The following MPHOSPH9 variants were observed in gnomAD, a reference collection of about 807,000 sequenced individuals.
The protein encoded by MPHOSPH9 is M-phase phosphoprotein 9.
Under a neutral mutation model 145.5 loss-of-function variants are expected in MPHOSPH9, and 88 were observed. The observed-to-expected ratio is 0.60, with a 90% CI of 0.51 to 0.72. The LOEUF is 0.72. Among genes scored for constraint, MPHOSPH9 ranks in the 30% least tolerant of loss-of-function variants. The pLI is 0.00. For missense variants in MPHOSPH9, 1,238 were observed against 1,386.6 expected (o/e 0.89, Z 1.70); for synonymous variants, 435 against 486.2 (o/e 0.89, Z 1.39).
chr12:123,243,462 G>A (rs540491897), intron 1 of MPHOSPH9, among the ~76,000 whole-genome samples: 3 of 151,900 alleles, frequency 2.0e-5, no homozygotes, highest in East Asian at 1.9e-4. Flanking sequence ...CCCGGGAGGC[G>A]GAGCTTGCAG....
At chr12:123,226,641 T>C (rs570914873) in intron 3 of MPHOSPH9, among the ~76,000 whole-genome samples, 7 of 151,752 alleles carry the variant, frequency 4.6e-5, no homozygotes, top group African/African-American at 1.7e-4. Flanking sequence ...TTTTTATATA[T>C]AGAGAGAGAC....
intron 13 of MPHOSPH9, among the ~76,000 whole-genome samples, chr12:123,183,923 T>A (rs2045318167): frequency 1.3e-5 from 2 of 152,006 alleles, no homozygotes; most frequent in Admixed American, 6.6e-5. Context: ...AGTAAAAGAC[T>A]TCAAAAACAC....
In MPHOSPH9 at chr12:123,159,341, T is replaced by C. The variant is rs2137851094; in HGVS notation, c.3450+1440A>G. ...ACCACGCCTGGCTAATTTTTTGTAT[T>C]TTTAGTAGAGATGGGGTTTTGCCAT... On this transcript the variant is annotated intron_variant, in intron 23 of 23. Transcript: ENST00000606320. The surrounding 1 kb of genome is among the most constrained non-coding windows in gnomAD (Gnocchi z 4.3). 1.3e-5 allele frequency among the ~76,000 whole-genome samples: 2 copies of C among 152,082 alleles called. 1 individual carries two copies.
At chr12:123,205,686 T>G (rs2046396665) in intron 8 of MPHOSPH9, among the ~76,000 whole-genome samples, 1 of 152,202 alleles carries the variant, frequency 6.6e-6, no homozygotes, top group Admixed American at 6.6e-5. Flanking sequence ...CCTGGTGGTC[T>G]GGGGGAATAG....
chr12:123,206,205 T>G (rs1482028649), intron 8 of MPHOSPH9, among the ~76,000 whole-genome samples: 1 of 151,700 alleles, frequency 6.6e-6, no homozygotes, highest in East Asian at 1.9e-4. Context: ...TCCCAGCACT[T>G]TGGGAGGCTG....
chr12:123,195,459 G>C (rs759282658), intron 12 of MPHOSPH9, among the ~76,000 whole-genome samples: 2 of 151,792 alleles, frequency 1.3e-5, no homozygotes, highest in African/African-American at 4.8e-5. Flanking sequence ...AATGGCAGGC[G>C]CCTGTAATCC....
At position 123,214,710 on chromosome 12, in the gene MPHOSPH9, T is replaced by C; in HGVS notation, c.1087+34A>G. The C allele has an allele frequency of 2.0e-6, 3 of 1,516,678 alleles. 1 individual carries two copies. The South Asian group carries it at 3.4e-5, about 17-fold the overall frequency. 94.0% of individuals were successfully genotyped at this position (1,516,678 alleles called of 1,614,324 possible). A position where few individuals can be genotyped will look rare whatever the true frequency, so the allele number is the denominator to read the frequency against. On this transcript the variant is annotated intron_variant, in intron 7 of 23. Transcript: ENST00000606320. ...TACCTTCCTCTGAGTGTATGTAGTT[T>C]AGGTTAAAAAAAATAAAAATGTAAG...
chr12:123,171,608 G>C (rs1171581583), intron 16 of MPHOSPH9, among the ~76,000 whole-genome samples: 3 of 151,848 alleles, frequency 2.0e-5, no homozygotes, highest in Non-Finnish European at 4.4e-5. Flanking sequence ...AATTAACCAG[G>C]CATGGTAGTG....
chr12:123,204,374 T>C (rs2046338710), intron 8 of MPHOSPH9, among the ~76,000 whole-genome samples: 1 of 151,546 alleles, frequency 6.6e-6, no homozygotes. Flanking sequence ...TCGGCCAAAT[T>C]AATTTCATAT....
chr12:123,155,627 T>C lies in MPHOSPH9; in HGVS notation c.*1180A>G, dbSNP rs561683974. ...GAATATGTGGGGCACTGCGTTCTGA[T>C]TGGCTACCAAAAACTAAGTAGTTAC... On this transcript the variant is annotated 3_prime_UTR_variant, in exon 24 of 24. Coordinates refer to ENST00000606320, the MANE Select transcript of MPHOSPH9 (RefSeq NM_022782.4). 1.3e-5 allele frequency: 2 copies of C among 152,362 alleles called. No individual in the cohort carries two copies. The highest frequency in any genetic ancestry group is 1.9e-4 in the East Asian group (1 of 5,188). The allele number at this position is 152,362 out of a possible 1,614,324, so 9.4% of individuals were successfully genotyped here.
Position 123,227,527 on chromosome 12 carries a change from G to A in MPHOSPH9, c.194C>T (p.Thr65Ile). The A allele has an allele frequency of 2.0e-6, 3 of 1,532,226 alleles. No individual in the cohort carries two copies. Among genetic ancestry groups the A allele is most frequent in the Non-Finnish European group, 2.6e-6 (3 of 1,144,426 alleles). The allele number at this position is 1,532,226 out of a possible 1,614,324, so 94.9% of individuals were successfully genotyped here. ...SVIQGTVEVL[T>I]SLMQELQNSG... The stretch of plus-strand genomic sequence containing the variant: ...GTTTTGTAGCTCTTGCATTAAAGAA[G>A]TTAGGACTTCAACTGTACCTTGAAT... The change falls in exon 3 of 24, where the codon ACT becomes ATT. Residue 65 changes from threonine (T) to isoleucine (I), a missense_variant. By Grantham distance (89) the Thr-to-Ile change is moderately conservative. This residue lies in a region of MPHOSPH9 where 837 missense variants were observed against 897.5 expected (regional missense o/e 0.93). Coordinates refer to ENST00000606320, the MANE Select transcript of MPHOSPH9 (RefSeq NM_022782.4).
intron 16 of MPHOSPH9, among the ~76,000 whole-genome samples, chr12:123,174,045 G>T (rs1451452019): frequency 6.6e-6 from 1 of 152,124 alleles, no homozygotes; most frequent in Non-Finnish European, 1.5e-5. Flanking sequence ...AGATGAATGG[G>T]AGGCCACCCA....
At chr12:123,210,212 A>G in intron 7 of MPHOSPH9, 50 bp from the exon 8 acceptor site, 1 of 1,095,508 alleles carries the variant, frequency 9.1e-7, no homozygotes, top group Non-Finnish European at 1.3e-6. Context: ...AAAAACAAAA[A>G]TGCTTTCTAG....
intron 13 of MPHOSPH9, among the ~76,000 whole-genome samples, chr12:123,186,493 C>A (rs190028597): frequency 6.6e-6 from 1 of 152,026 alleles, no homozygotes; most frequent in Non-Finnish European, 1.5e-5. Flanking sequence ...CTTTGAAAGC[C>A]ATGGGAGGGG....
At chr12:123,213,206 G>T (rs984115753) in intron 7 of MPHOSPH9, among the ~76,000 whole-genome samples, 3 of 151,982 alleles carry the variant, frequency 2.0e-5, no homozygotes, top group African/African-American at 7.2e-5. Flanking sequence ...ATATGAAATA[G>T]TCAATACTTT....
chr12:123,186,159 G>A (rs1303343219), intron 13 of MPHOSPH9, among the ~76,000 whole-genome samples: 6 of 150,748 alleles, frequency 4.0e-5, no homozygotes, highest in Admixed American at 1.3e-4. Flanking sequence ...CCCGGGAGGC[G>A]GAGGTTGTGG....
rs552090575 is a variant in MPHOSPH9, at chr12:123,179,081, G to C, written c.2354+845C>G. Among the ~76,000 whole-genome samples the C allele has an allele frequency of 2.2e-4, 33 of 152,190 alleles. No homozygotes were observed. In the South Asian group the frequency reaches 4.4e-3, roughly 20 times the overall value. The stretch of plus-strand genomic sequence containing the variant: ...ATGCTGAGAAAATACATAATGTTTG[G>C]GAAAATATCCACCTCTGAGGCACAA... On this transcript the variant is annotated intron_variant, in intron 15 of 23. Transcript: ENST00000606320.
At chr12:123,192,553 G>A (rs934555107) in intron 13 of MPHOSPH9, among the ~76,000 whole-genome samples, 13 of 139,344 alleles carry the variant, frequency 9.3e-5, no homozygotes, top group Admixed American at 4.0e-4. Flanking sequence ...ACCTGAGCCC[G>A]CGGAGGTTGA....
At chr12:123,194,667 G>A in intron 12 of MPHOSPH9, 66 bp from the exon 13 acceptor site, 1 of 1,196,176 alleles carries the variant, frequency 8.4e-7, no homozygotes, top group South Asian at 1.6e-5. Flanking sequence ...TGTTGCCCAA[G>A]CTGGAGTACA....
Sources: allele counts gnomAD v4.1 joint callset (sites outside exome capture counted in the v4.1 genomes callset), GRCh38; gene constraint gnomAD v4.1.1; regional missense constraint gnomAD v4.1.1; non-coding constraint Gnocchi (gnomAD v3.1); transcripts MANE v1.5; gene names NCBI Gene and HGNC (gene_info 2026-07-23, HGNC 2026-07-21).